The following RSU1 variants were observed in gnomAD, a reference collection of about 807,000 sequenced individuals.
The protein encoded by RSU1 is rsu-1.
In RSU1, 26 loss-of-function variants were observed where a neutral mutation model predicts 31.1. The observed-to-expected ratio is 0.84, with a 90% CI of 0.61 to 1.16. RSU1 has a LOEUF of 1.16. Among genes scored for constraint, RSU1 ranks in the 50% most tolerant of loss-of-function variants. RSU1 has a pLI of 0.00. For missense variants in RSU1, 320 were observed against 339.1 expected (o/e 0.94, Z 0.44); for synonymous variants, 164 against 136.3 (o/e 1.20, Z -1.41).
intron 3 of RSU1, among the ~76,000 whole-genome samples, chr10:16,781,460 A>C (rs1346290357): frequency 6.6e-6 from 1 of 152,240 alleles, no homozygotes. Flanking sequence ...AAGCAGGGAC[A>C]GAAAGTGTAT....
At chr10:16,731,319 A>T (rs1836507276) in intron 7 of RSU1, among the ~76,000 whole-genome samples, 1 of 151,798 alleles carries the variant, frequency 6.6e-6, no homozygotes, top group Non-Finnish European at 1.5e-5. Context: ...AGTCCCAGCT[A>T]CTTGGGAGAC....
chr10:16,629,348 A>G (rs1834209667), intron 8 of RSU1, among the ~76,000 whole-genome samples: 1 of 152,060 alleles, frequency 6.6e-6, no homozygotes, highest in South Asian at 2.1e-4. Flanking sequence ...CGAACTGCCA[A>G]TCTCTACCTG....
At chr10:16,779,794 C>T (rs1837612184) in intron 3 of RSU1, among the ~76,000 whole-genome samples, 1 of 152,154 alleles carries the variant, frequency 6.6e-6, no homozygotes, top group Non-Finnish European at 1.5e-5. Flanking sequence ...ATCAAATGGA[C>T]ATATTTACTA....
At chr10:16,708,473 G>C (rs1835950006) in intron 7 of RSU1, among the ~76,000 whole-genome samples, 1 of 152,118 alleles carries the variant, frequency 6.6e-6, no homozygotes, top group South Asian at 2.1e-4. Context: ...TTAAATCTAA[G>C]TTCTTTAGGA....
chr10:16,600,733 A>C (rs1464340911), intron 8 of RSU1, among the ~76,000 whole-genome samples: 2 of 151,826 alleles, frequency 1.3e-5, no homozygotes, highest in Non-Finnish European at 2.9e-5. Context: ...AGCTTATTTT[A>C]AAATCTTATT....
At chr10:16,616,476 A>G (rs1833979630) in intron 8 of RSU1, among the ~76,000 whole-genome samples, 1 of 152,110 alleles carries the variant, frequency 6.6e-6, no homozygotes, top group Non-Finnish European at 1.5e-5. Context: ...ATGATTCCAA[A>G]TAATAGAAAA....
At chr10:16,608,101 G>C (rs976321578) in intron 8 of RSU1, among the ~76,000 whole-genome samples, 2 of 152,204 alleles carry the variant, frequency 1.3e-5, no homozygotes, top group Non-Finnish European at 2.9e-5. Flanking sequence ...AAAGTGCCGG[G>C]ATTACAGGCG....
intron 2 of RSU1, among the ~76,000 whole-genome samples, chr10:16,797,132 A>C (rs1365938346): frequency 3.3e-5 from 5 of 152,240 alleles, no homozygotes; most frequent in Admixed American, 2.6e-4. Flanking sequence ...TGTGACCTGG[A>C]AACTGACCAC....
Position 16,807,880 on chromosome 10 carries a change from G to A in RSU1, c.109+9093C>T, listed in dbSNP as rs187151365. Reference sequence around the variant, plus strand: ...CTACGAAAAATACAAAAAATTAGCCGGGCTTGGTGGCGGGTGCCTGTAGTC... The same window carrying A: ...CTACGAAAAATACAAAAAATTAGCCAGGCTTGGTGGCGGGTGCCTGTAGTC... On this transcript the variant is annotated intron_variant, in intron 2 of 8. Transcript: ENST00000345264. 6.4e-3 allele frequency among the ~76,000 whole-genome samples: 970 copies of A among 152,064 alleles called. 4 individuals are homozygous for A. Among genetic ancestry groups the A allele is most frequent in the Non-Finnish European group, 0.01 (695 of 67,988 alleles).
rs992223847 is a variant in RSU1, at chr10:16,790,440, A to G, written c.110-8356T>C. ...CTAGGTATAAGAATCATGGACACTG[A>G]GAGGTGGATTTAGAAAGACAATGGC... is the stretch of plus-strand genomic sequence containing the variant. On this transcript the variant is annotated intron_variant, in intron 2 of 8. Coordinates refer to ENST00000345264, the MANE Select transcript of RSU1 (RefSeq NM_012425.4). Among the ~76,000 whole-genome samples, 8 of 152,190 alleles carry G rather than the reference A, an allele frequency of 5.3e-5. No individual in the cohort carries two copies. In the East Asian group the frequency reaches 1.3e-3, roughly 26 times the overall value.
intron 7 of RSU1, among the ~76,000 whole-genome samples, chr10:16,710,957 G>A (rs1306643904): frequency 1.3e-5 from 2 of 152,088 alleles, no homozygotes; most frequent in Non-Finnish European, 2.9e-5. Flanking sequence ...GAAAATGATG[G>A]TTTCCAGCTT....
intron 8 of RSU1, among the ~76,000 whole-genome samples, chr10:16,598,353 A>T (rs567285752): frequency 9.2e-5 from 14 of 151,970 alleles, no homozygotes; most frequent in Non-Finnish European, 2.1e-4. Flanking sequence ...AGCCTGGGCC[A>T]TACAGGGAGA....
chr10:16,676,054 G>A (rs1202484375), intron 8 of RSU1, among the ~76,000 whole-genome samples: 1 of 152,162 alleles, frequency 6.6e-6, no homozygotes, highest in African/African-American at 2.4e-5. Context: ...GAAAAGCCAG[G>A]AGTCCATCCT....
chr10:16,696,583 A>C lies in RSU1; in HGVS notation c.599-1428T>G, dbSNP rs536023184. On this transcript the variant is annotated intron_variant, in intron 7 of 8. Coordinates refer to ENST00000345264, the MANE Select transcript of RSU1 (RefSeq NM_012425.4). ...ATTCATCATGTTTCCAAAGCTACTA[A>C]GAATTTGTTGGCGCTTGGTACAAAA... Among the ~76,000 whole-genome samples, 3 of 152,356 alleles carry C rather than the reference A, an allele frequency of 2.0e-5. No homozygotes were observed. In the South Asian group the frequency reaches 6.2e-4, roughly 32 times the overall value.
chr10:16,620,128 GT>G (rs780962281), intron 8 of RSU1, among the ~76,000 whole-genome samples: 3 of 152,166 alleles, frequency 2.0e-5, no homozygotes, highest in Non-Finnish European at 4.4e-5. Flanking sequence ...AGCAATGTCA[GT>G]GGTGTGGCTT....
rs536278684 is a variant in RSU1 at position 16,657,010 on chromosome 10, T to C, written c.731+38013A>G. 2.0e-5 allele frequency among the ~76,000 whole-genome samples: 3 copies of C among 152,348 alleles called. No individual in the cohort carries two copies. The South Asian group carries it at 6.2e-4, about 32-fold the overall frequency. The stretch of plus-strand genomic sequence containing the variant: ...ATCTTGGAAATATGCAAATACAGTA[T>C]AGCTTTAGAGGCTGAGAAAACTGGT... On this transcript the variant is annotated intron_variant, in intron 8 of 8. Coordinates refer to ENST00000345264, the MANE Select transcript of RSU1 (RefSeq NM_012425.4).
At chr10:16,762,286 T>C (rs1255699615) in intron 4 of RSU1, among the ~76,000 whole-genome samples, 1 of 149,394 alleles carries the variant, frequency 6.7e-6, no homozygotes, top group Non-Finnish European at 1.5e-5. Context: ...TTCCTAGTGA[T>C]TGAGATTTTA....
At chr10:16,722,849 C>CACACATATATACATATATGTATATAT (rs796357758) in intron 7 of RSU1, among the ~76,000 whole-genome samples, 3 of 93,782 alleles carry the variant, frequency 3.2e-5, no homozygotes, top group African/African-American at 1.0e-4. Context: ...TGTATATATA[C>CACACATATATACATATATGTATATAT]ACACATATAT....
intron 3 of RSU1, among the ~76,000 whole-genome samples, chr10:16,772,368 G>A (rs1837438561): frequency 1.3e-5 from 2 of 152,132 alleles, no homozygotes. Context: ...AACTCCCAAA[G>A]CATCTTCAGG....
Sources: allele counts gnomAD v4.1 joint callset (sites outside exome capture counted in the v4.1 genomes callset), GRCh38; gene constraint gnomAD v4.1.1; transcripts MANE v1.5; gene names NCBI Gene and HGNC (gene_info 2026-07-23, HGNC 2026-07-21).